IQGAP2: variants seen among roughly 807,000 people sequenced by gnomAD.
The protein encoded by IQGAP2 is ras GTPase-activating-like protein IQGAP2.
In IQGAP2, 173 loss-of-function variants were observed where a neutral mutation model predicts 201.3. The ratio of observed to expected loss-of-function variants is 0.86; its 90% CI spans 0.76 to 0.98. The LOEUF (loss-of-function observed/expected upper bound fraction) is 0.98, where lower values mean the gene tolerates loss of function less well. IQGAP2 is among the 50% of genes least tolerant of loss of function. The pLI is 0.00. For synonymous variants in IQGAP2, 675 were observed against 673.9 expected (o/e 1.00, Z -0.03); for missense variants, 1,687 against 1,864.8 (o/e 0.90, Z 1.76).
At chr5:76,697,940 A>G (rs1746907484) in intron 32 of IQGAP2, 47 bp from the exon 33 acceptor site, 1 of 1,483,384 alleles carries the variant, frequency 6.7e-7, no homozygotes, top group Non-Finnish European at 9.2e-7. Flanking sequence ...GCAATATCAT[A>G]AAGCAAACTT....
In IQGAP2 at chr5:76,583,980, C is replaced by A. The variant is rs536563861; in HGVS notation, c.459-4926C>A. ...GTCTGTCTCCCTGGTTCAAGCAATT[C>A]TCCTGCCTCAGCCTCCCTAGTAGCT... On this transcript the variant is annotated intron_variant, in intron 5 of 35. Transcript: ENST00000274364. Among the ~76,000 whole-genome samples, 265 of 152,002 alleles carry A rather than the reference C, an allele frequency of 1.7e-3. 1 individual carries two copies. The highest frequency in any genetic ancestry group is 6.3e-3 in the African/African-American group (259 of 41,428).
At chr5:76,454,270 A>G (rs201945086) in intron 1 of IQGAP2, among the ~76,000 whole-genome samples, 1 of 151,922 alleles carries the variant, frequency 6.6e-6, no homozygotes, top group Non-Finnish European at 1.5e-5. Flanking sequence ...ATAATGAAAA[A>G]AGAAATTAGA....
At chr5:76,635,842 A>G (rs962649088) in intron 15 of IQGAP2, among the ~76,000 whole-genome samples, 2 of 151,996 alleles carry the variant, frequency 1.3e-5, no homozygotes, top group African/African-American at 2.4e-5. Context: ...AGCAAGAAAG[A>G]AAGGAAGGAA....
At chr5:76,568,222 A>C (rs979994204) in intron 3 of IQGAP2, among the ~76,000 whole-genome samples, 4 of 152,232 alleles carry the variant, frequency 2.6e-5, no homozygotes, top group Non-Finnish European at 5.9e-5. Context: ...GAAATCTGTC[A>C]TTTCATTTGT....
chr5:76,573,517 A>G (rs571692901), intron 4 of IQGAP2, among the ~76,000 whole-genome samples: 2 of 152,394 alleles, frequency 1.3e-5, no homozygotes, highest in South Asian at 4.1e-4. Flanking sequence ...GCTTTCCAGG[A>G]GAAATATAAA....
intron 2 of IQGAP2, among the ~76,000 whole-genome samples, chr5:76,476,501 G>A (rs776750246): frequency 1.3e-5 from 2 of 152,168 alleles, no homozygotes; most frequent in African/African-American, 2.4e-5. Flanking sequence ...TAGACAAGTA[G>A]GTAGAGAAAG....
chr5:76,619,769 C>T (rs1029486893), intron 13 of IQGAP2, among the ~76,000 whole-genome samples: 28 of 152,204 alleles, frequency 1.8e-4, no homozygotes, highest in African/African-American at 5.3e-4. Flanking sequence ...CTGCCCGCCT[C>T]GGCCACCCAA....
At chr5:76,456,484 G>A (rs1655902751) in intron 1 of IQGAP2, among the ~76,000 whole-genome samples, 1 of 152,180 alleles carries the variant, frequency 6.6e-6, no homozygotes, top group Admixed American at 6.5e-5. Context: ...CAGCTTACCT[G>A]AAATCTTGGA....
chr5:76,510,129 A>C (rs1339644740), intron 2 of IQGAP2, among the ~76,000 whole-genome samples: 1 of 151,570 alleles, frequency 6.6e-6, no homozygotes, highest in Non-Finnish European at 1.5e-5. Flanking sequence ...CCTCCTGAGT[A>C]GCTGGGATTA....
At chr5:76,517,807 A>G (rs1364275591) in intron 2 of IQGAP2, among the ~76,000 whole-genome samples, 1 of 152,162 alleles carries the variant, frequency 6.6e-6, no homozygotes, top group Non-Finnish European at 1.5e-5. Context: ...GGGTTAAATG[A>G]AAACCTATCT....
intron 33 of IQGAP2, among the ~76,000 whole-genome samples, chr5:76,700,802 A>G (rs966245008): frequency 6.6e-6 from 1 of 152,238 alleles, no homozygotes; most frequent in Non-Finnish European, 1.5e-5. Flanking sequence ...TTGGTTCAAT[A>G]TACCTGAGAA....
chr5:76,612,098 C>G (rs779815497), intron 13 of IQGAP2, among the ~76,000 whole-genome samples: 1 of 152,186 alleles, frequency 6.6e-6, no homozygotes, highest in Non-Finnish European at 1.5e-5. Flanking sequence ...TTAATCATCA[C>G]AACAATTCAT....
intron 1 of IQGAP2, among the ~76,000 whole-genome samples, chr5:76,432,411 C>T (rs1752425565): frequency 6.6e-6 from 1 of 152,160 alleles, no homozygotes; most frequent in Non-Finnish European, 1.5e-5. Flanking sequence ...AGGCATGAGC[C>T]ACCATGCTCA....
intron 2 of IQGAP2, among the ~76,000 whole-genome samples, chr5:76,533,604 G>A (rs954038783): frequency 4.6e-4 from 70 of 151,942 alleles, no homozygotes; most frequent in African/African-American, 1.5e-3. Context: ...GCAGTGGCAC[G>A]ATCTTGGCTC....
At chr5:76,459,375 C>G (rs990210077) in intron 1 of IQGAP2, among the ~76,000 whole-genome samples, 4 of 152,156 alleles carry the variant, frequency 2.6e-5, no homozygotes, top group African/African-American at 9.7e-5. Context: ...CCAGTGCCCA[C>G]TCTTCCAAGT....
intron 1 of IQGAP2, among the ~76,000 whole-genome samples, chr5:76,456,567 C>T (rs1311384120): frequency 1.3e-5 from 2 of 152,170 alleles, no homozygotes; most frequent in African/African-American, 4.8e-5. Flanking sequence ...AATCAGTTCT[C>T]TTCCTTCTAG....
rs543304536 is a variant in IQGAP2, at chr5:76,562,366, A to C, written c.147-30A>C. The C allele has an allele frequency of 3.2e-5, 50 of 1,543,436 alleles. No individual in the cohort carries two copies. In the East Asian group the frequency reaches 1.1e-3, roughly 33 times the overall value. On this transcript the variant is annotated intron_variant, in intron 2 of 35. Coordinates refer to ENST00000274364, the MANE Select transcript of IQGAP2 (RefSeq NM_006633.5). ...TGCAGAAAGTTACCCAACTGGAATC[A>C]CTTTAATATTTTTTTTTTAATCTCT...
At chr5:76,697,489 C>T (rs957700776) in intron 32 of IQGAP2, among the ~76,000 whole-genome samples, 1 of 152,096 alleles carries the variant, frequency 6.6e-6, no homozygotes, top group Admixed American at 6.5e-5. Flanking sequence ...ACTAAAAATA[C>T]AAAAATTAGC....
intron 2 of IQGAP2, among the ~76,000 whole-genome samples, chr5:76,486,843 C>A (rs184128322): frequency 5.3e-5 from 8 of 152,194 alleles, no homozygotes; most frequent in Non-Finnish European, 1.5e-5. Context: ...AATAAGTGAA[C>A]TGTTTCTCAT....
Sources: gnomAD v4.1 joint callset for allele counts (sites outside exome capture counted in the v4.1 genomes callset) on GRCh38, gnomAD v4.1.1 for gene constraint, MANE v1.5 for transcripts, NCBI Gene and HGNC (gene_info 2026-07-23, HGNC 2026-07-21) for gene names.